The following SNRPN variants were observed in gnomAD, a reference collection of about 807,000 sequenced individuals.
The protein encoded by SNRPN is small nuclear ribonucleoprotein polypeptide N, also known as small nuclear ribonucleoprotein-associated protein N.
In SNRPN, 7 loss-of-function variants were observed where a neutral mutation model predicts 25.2. The ratio of observed to expected loss-of-function variants is 0.28; its 90% confidence interval spans 0.16 to 0.52. SNRPN has a LOEUF of 0.52. Among genes scored for constraint, SNRPN ranks in the 20% least tolerant of loss-of-function variants. SNRPN has a pLI of 0.96. For missense variants in SNRPN, 196 were observed against 322.5 expected, an observed-to-expected ratio of 0.61 and a Z score of 3.00; for synonymous variants, 124 against 110.6, an observed-to-expected ratio of 1.12 and a Z score of -0.76.
chr15:24,836,673 A>G (rs2051228453), intron 2 of SNRPN, among the ~76,000 whole-genome samples: 1 of 152,130 alleles, frequency 6.6e-6, no homozygotes, highest in Non-Finnish European at 1.5e-5. Flanking sequence ...TCGGCCTCCC[A>G]GAGTGCTGGG....
intron 1 of SNRPN, among the ~76,000 whole-genome samples, chr15:24,959,887 C>G (rs1303849177): frequency 1.3e-5 from 2 of 152,256 alleles, no homozygotes; most frequent in Non-Finnish European, 2.9e-5. Flanking sequence ...TTACTTAGCC[C>G]TCGTATATGC....
At chr15:24,890,633 C>T (rs1316542570) in intron 2 of SNRPN, among the ~76,000 whole-genome samples, 1 of 151,878 alleles carries the variant, frequency 6.6e-6, no homozygotes, top group African/African-American at 2.4e-5. Context: ...GAGCCGAGAT[C>T]GCGCCATTGC....
intron 1 of SNRPN, among the ~76,000 whole-genome samples, chr15:24,877,329 C>T (rs962265235): frequency 6.6e-6 from 1 of 152,120 alleles, no homozygotes; most frequent in African/African-American, 2.4e-5. Flanking sequence ...TTCAGAAGCA[C>T]GTGCTACACT....
intron 1 of SNRPN, among the ~76,000 whole-genome samples, chr15:24,874,978 T>A (rs1382827892): frequency 6.8e-6 from 1 of 146,020 alleles, no homozygotes; most frequent in Admixed American, 6.7e-5. Context: ...AGTTGAAAGT[T>A]TTTTTCAGTA....
At chr15:24,852,538 A>C (rs1458266809), upstream of SNRPN, among the ~76,000 whole-genome samples, 1 of 152,222 alleles carries the variant, frequency 6.6e-6, no homozygotes, top group Non-Finnish European at 1.5e-5. Context: ...ATGGTTTCTC[A>C]TAATTAGACT....
chr15:24,874,750 T>C (rs1258107926), intron 1 of SNRPN, among the ~76,000 whole-genome samples: 1 of 151,966 alleles, frequency 6.6e-6, no homozygotes. Context: ...AATAGGAGAG[T>C]AGGACTCTGT....
At chr15:24,884,205 A>G (rs143038397) in intron 1 of SNRPN, among the ~76,000 whole-genome samples, 4 of 150,908 alleles carry the variant, frequency 2.7e-5, no homozygotes, top group African/African-American at 9.7e-5. Context: ...ATGGTGACAC[A>G]TGCCTGTGGT....
intron 1 of SNRPN, among the ~76,000 whole-genome samples, chr15:24,857,121 G>C (rs373909243): frequency 1.5e-4 from 23 of 152,310 alleles, no homozygotes; most frequent in African/African-American, 5.5e-4. Flanking sequence ...GTGATTATTT[G>C]CATTATATTG....
rs567009008 is a variant in SNRPN at position 24,907,471 on chromosome 15, G to A, written c.-504-12540G>A. Among the ~76,000 whole-genome samples, 318 of 151,716 alleles carry A rather than the reference G, an allele frequency of 2.1e-3. 1 individual carries two copies. The highest frequency in any genetic ancestry group is 4.3e-3 in the Admixed American group (66 of 15,236). Reference sequence around the variant, plus strand: ...AAATTAGCCAGGCGTGGTGGCGGTCGCCTGTAGTCCCAGCTACTCGGGAGG... The same window carrying A: ...AAATTAGCCAGGCGTGGTGGCGGTCACCTGTAGTCCCAGCTACTCGGGAGG... On this transcript the variant is annotated intron_variant, in intron 2 of 11. Coordinates refer to the SNRPN transcript ENST00000400097.
chr15:24,833,292 T>C (rs981047766), intron 2 of SNRPN, among the ~76,000 whole-genome samples: 5 of 151,866 alleles, frequency 3.3e-5, no homozygotes, highest in African/African-American at 7.3e-5. Context: ...AACAGAATGT[T>C]TACCTGATTT....
chr15:24,937,354 A>C (rs1416111126), intron 3 of SNRPN, among the ~76,000 whole-genome samples: 1 of 152,056 alleles, frequency 6.6e-6, no homozygotes, highest in Non-Finnish European at 1.5e-5. Context: ...AAACAAAACA[A>C]AACAAAAAAA....
At chr15:24,950,956 G>T (rs2062221186), upstream of SNRPN, among the ~76,000 whole-genome samples, 1 of 151,794 alleles carries the variant, frequency 6.6e-6, no homozygotes, top group Non-Finnish European at 1.5e-5. Flanking sequence ...TGCCTCCCGG[G>T]CTCAAGGGAG....
At chr15:24,966,382 A>G (rs2153557297) in intron 2 of SNRPN, among the ~76,000 whole-genome samples, 1 of 152,292 alleles carries the variant, frequency 6.6e-6, no homozygotes, top group Admixed American at 6.5e-5. Flanking sequence ...TTACCTGCAC[A>G]TTAGCGTATA....
At chr15:24,897,085 A>G (rs139061244) in intron 2 of SNRPN, among the ~76,000 whole-genome samples, 10 of 152,102 alleles carry the variant, frequency 6.6e-5, no homozygotes, top group South Asian at 2.1e-4. Flanking sequence ...TCCAGGAGGC[A>G]GAGGTTGCAG....
upstream of SNRPN, among the ~76,000 whole-genome samples, chr15:24,953,457 A>G (rs1596124988): frequency 6.6e-6 from 1 of 152,112 alleles, no homozygotes; most frequent in Non-Finnish European, 1.5e-5. Context: ...CCGAGTAGCT[A>G]AGATTACAGG....
At chr15:24,828,761 T>C (rs1252788777) in intron 1 of SNRPN, among the ~76,000 whole-genome samples, 4 of 152,060 alleles carry the variant, frequency 2.6e-5, no homozygotes, top group Non-Finnish European at 5.9e-5. Context: ...TTTGAAAATA[T>C]TTAGCAAGGA....
Position 24,962,043 on chromosome 15 carries a change from T to C in SNRPN, c.-390-71T>C, listed in dbSNP as rs2074919938. ...ATTATATTAAATGTAGTTCTAAATA[T>C]AACCTTGACAAATAGTTATTTCATA... On this transcript the variant is annotated intron_variant, in intron 1 of 9. Transcript: ENST00000390687. 44 of 1,248,670 alleles carry C rather than the reference T, an allele frequency of 3.5e-5. No individual in the cohort carries two copies. In the South Asian group the frequency reaches 5.1e-4, roughly 15 times the overall value. 77.3% of individuals were successfully genotyped at this position (1,248,670 alleles called of 1,614,324 possible). A position where few individuals can be genotyped will look rare whatever the true frequency, so the allele number is the denominator to read the frequency against.
chr15:24,833,880 T>C (rs916958539), intron 2 of SNRPN, among the ~76,000 whole-genome samples: 1 of 152,132 alleles, frequency 6.6e-6, no homozygotes, highest in Non-Finnish European at 1.5e-5. Flanking sequence ...CTTTCCTGGT[T>C]ACTTGATGAG....
At chr15:24,919,302 G>C (rs567517215) in intron 2 of SNRPN, among the ~76,000 whole-genome samples, 2 of 151,830 alleles carry the variant, frequency 1.3e-5, no homozygotes, top group African/African-American at 4.8e-5. Context: ...GTCGTGGCGG[G>C]CACCTGTAGT....
Sources: allele counts gnomAD v4.1 joint callset (sites outside exome capture counted in the v4.1 genomes callset), GRCh38; gene constraint gnomAD v4.1.1; transcripts MANE v1.5; gene names NCBI Gene and HGNC (gene_info 2026-07-23, HGNC 2026-07-21).